The following WWOX variants were observed in gnomAD, a reference collection of about 807,000 sequenced individuals.
The protein encoded by WWOX is WW domain-containing oxidoreductase.
WWOX carries 69 observed loss-of-function variants against 46.2 expected under a neutral mutation model. That is an observed-to-expected ratio of 1.49 (90% confidence interval 1.23 to 1.82). The LOEUF (loss-of-function observed/expected upper bound fraction) is 1.82, where lower values mean the gene tolerates loss of function less well. WWOX is among the 40% of genes most tolerant of loss of function. WWOX has a pLI of 0.00. For synonymous variants in WWOX, 359 were observed against 202.6 expected, an observed-to-expected ratio of 1.77 and a Z score of -6.56; for missense variants, 919 against 542.6, an observed-to-expected ratio of 1.69 and a Z score of -6.89.
chr16:78,177,315 T>C (rs927593698), intron 5 of WWOX, among the ~76,000 whole-genome samples: 5 of 152,196 alleles, frequency 3.3e-5, no homozygotes, highest in African/African-American at 1.2e-4. Context: ...TATTACGTGC[T>C]AGGTGGTAGA....
In WWOX at chr16:78,996,114, T is replaced by A. The variant is rs370558233; in HGVS notation, c.1057-215494T>A. On this transcript the variant is annotated intron_variant, in intron 8 of 8. Transcript: ENST00000566780. ...TGAAATCAGAACGTGGCCCCTTCCATGAAAGTCAGCTCAGGCGTAGAATGT... is the reference window on the plus strand; with the variant it reads ...TGAAATCAGAACGTGGCCCCTTCCAAGAAAGTCAGCTCAGGCGTAGAATGT... 486 of 822,876 alleles carry A rather than the reference T, an allele frequency of 5.9e-4. 2 individuals carry two copies. Among genetic ancestry groups the A allele is most frequent in the Non-Finnish European group, 6.9e-4 (471 of 681,840 alleles). 51.0% of individuals were successfully genotyped at this position (822,876 alleles called of 1,614,324 possible). A position where few individuals can be genotyped will look rare whatever the true frequency, so the allele number is the denominator to read the frequency against.
At chr16:78,924,775 C>T (rs1371379498) in intron 8 of WWOX, among the ~76,000 whole-genome samples, 1 of 152,164 alleles carries the variant, frequency 6.6e-6, no homozygotes, top group South Asian at 2.1e-4. Context: ...TTAAGTATTT[C>T]TGTAATACCT....
chr16:79,041,364 C>G (rs760290282), intron 8 of WWOX, among the ~76,000 whole-genome samples: 2 of 152,160 alleles, frequency 1.3e-5, no homozygotes, highest in African/African-American at 4.8e-5. Flanking sequence ...GCCTTCCTTG[C>G]TGGAATGCCC....
intron 5 of WWOX, among the ~76,000 whole-genome samples, chr16:78,165,532 A>G (rs2034941431): frequency 6.6e-6 from 1 of 152,136 alleles, no homozygotes; most frequent in Non-Finnish European, 1.5e-5. Flanking sequence ...AGGGTGGAGA[A>G]GGGTCAGATG....
At chr16:79,094,640 C>A (rs911466900) in intron 8 of WWOX, among the ~76,000 whole-genome samples, 1 of 148,486 alleles carries the variant, frequency 6.7e-6, no homozygotes, top group Non-Finnish European at 1.5e-5. Context: ...TCTGTTTTTT[C>A]TTTTTTTTTT....
At chr16:78,907,456 C>G (rs1051028583) in intron 8 of WWOX, among the ~76,000 whole-genome samples, 4 of 152,202 alleles carry the variant, frequency 2.6e-5, no homozygotes, top group Non-Finnish European at 5.9e-5. Context: ...CTCCTCCTAA[C>G]TTGGTGGTCT....
chr16:79,188,290 G>A (rs1399586739), intron 8 of WWOX, among the ~76,000 whole-genome samples: 6 of 152,204 alleles, frequency 3.9e-5, no homozygotes, highest in African/African-American at 1.2e-4. Context: ...GGAGGCAGGC[G>A]TTCAAGCTGG....
intron 8 of WWOX, among the ~76,000 whole-genome samples, chr16:78,877,901 G>A (rs200246708): frequency 2.0e-5 from 3 of 152,074 alleles, no homozygotes; most frequent in Admixed American, 1.3e-4. Context: ...TGACTTCAGC[G>A]CCCACAGATA....
At chr16:78,124,057 C>G (rs1277001895) in intron 4 of WWOX, 2 of 151,982 alleles carry the variant, frequency 1.3e-5, no homozygotes, top group South Asian at 2.1e-4. Context: ...TTTCAGCTGT[C>G]AAATAGAAAT....
intron 8 of WWOX, among the ~76,000 whole-genome samples, chr16:79,133,396 A>G (rs1028194697): frequency 6.6e-6 from 1 of 152,214 alleles, no homozygotes; most frequent in Non-Finnish European, 1.5e-5. Context: ...GCAAAGATTG[A>G]TGTCAATATA....
At position 79,002,500 on chromosome 16, in the gene WWOX, G is replaced by T. The variant is rs563086222; in HGVS notation, c.1057-209108G>T. Among the ~76,000 whole-genome samples the T allele has an allele frequency of 3.9e-5, 6 of 152,248 alleles. No homozygotes were observed. In the South Asian group the frequency reaches 1.0e-3, roughly 26 times the overall value. On this transcript the variant is annotated intron_variant, in intron 8 of 8. Coordinates refer to ENST00000566780, the MANE Select transcript of WWOX (RefSeq NM_016373.4). ...GGCCTCCCAAAGTGCTGGGATTACA[G>T]GTGTGAGCCACCGCACCCGGCCCCT...
chr16:78,385,822 G>A (rs2082048461), intron 5 of WWOX, among the ~76,000 whole-genome samples: 1 of 152,206 alleles, frequency 6.6e-6, no homozygotes. Context: ...TGAATAGGCA[G>A]GTGGCCCTGT....
At position 78,521,807 on chromosome 16, in the gene WWOX, C is replaced by G. The variant is rs572108906; in HGVS notation, c.1056+89055C>G. On this transcript the variant is annotated intron_variant, in intron 8 of 8. Coordinates refer to ENST00000566780, the MANE Select transcript of WWOX (RefSeq NM_016373.4). ...TGTTTTTTTTTTTGGCATAAGAAGC[C>G]CATGTGAAAACACAGTTGACCCTAA... 4.0e-5 allele frequency among the ~76,000 whole-genome samples: 6 copies of G among 151,604 alleles called. No individual in the cohort carries two copies. The East Asian group carries it at 1.2e-3, about 29-fold the overall frequency.
At chr16:78,694,624 G>A (rs968377015) in intron 8 of WWOX, among the ~76,000 whole-genome samples, 1 of 152,162 alleles carries the variant, frequency 6.6e-6, no homozygotes, top group South Asian at 2.1e-4. Context: ...AACCAGCAAA[G>A]GCATTCTGCA....
chr16:79,019,527 T>C (rs2047489141), intron 8 of WWOX, among the ~76,000 whole-genome samples: 1 of 152,282 alleles, frequency 6.6e-6, no homozygotes. Flanking sequence ...CAGTCTGTCA[T>C]TGACTGAAAG....
At chr16:78,467,523 CTT>C (rs1282158673) in intron 8 of WWOX, among the ~76,000 whole-genome samples, 1 of 152,048 alleles carries the variant, frequency 6.6e-6, no homozygotes, top group African/African-American at 2.4e-5. Flanking sequence ...TCAAAAAAGA[CTT>C]TTTAGTTTAA....
chr16:78,285,168 T>C (rs1387757826), intron 5 of WWOX, among the ~76,000 whole-genome samples: 1 of 152,082 alleles, frequency 6.6e-6, no homozygotes, highest in Non-Finnish European at 1.5e-5. Context: ...GCAAGGTGGC[T>C]CACATCTATA....
At chr16:78,619,084 T>A (rs1477574287) in intron 8 of WWOX, among the ~76,000 whole-genome samples, 1 of 127,036 alleles carries the variant, frequency 7.9e-6, no homozygotes, top group African/African-American at 3.0e-5. Flanking sequence ...TCACTGGAGG[T>A]CGGGAATTTG....
At chr16:78,122,515 T>G (rs1361324697) in intron 4 of WWOX, among the ~76,000 whole-genome samples, 2 of 152,232 alleles carry the variant, frequency 1.3e-5, no homozygotes, top group Non-Finnish European at 2.9e-5. Flanking sequence ...TTGTTTTACT[T>G]AAAACCCAAT....
Sources: allele counts gnomAD v4.1 joint callset (sites outside exome capture counted in the v4.1 genomes callset), GRCh38; gene constraint gnomAD v4.1.1; transcripts MANE v1.5; gene names NCBI Gene and HGNC (gene_info 2026-07-23, HGNC 2026-07-21).